The following KLF8 variants were observed in gnomAD, a reference collection of about 807,000 sequenced individuals.
KLF8 encodes Krueppel-like factor 8.
Under a neutral mutation model 18.2 loss-of-function variants are expected in KLF8, and 10 were observed. The ratio of observed to expected loss-of-function variants is 0.55; its 90% CI spans 0.34 to 0.93. KLF8 has a LOEUF of 0.93. Ranked by LOEUF, KLF8 falls within the 40% of genes least tolerant of loss-of-function variation. KLF8 has a pLI of 0.02. For synonymous variants in KLF8, 109 were observed against 97.3 expected (o/e 1.12, Z -0.71); for missense variants, 264 against 277.9 (o/e 0.95, Z 0.36).
At chrX:56,240,278 C>T (rs771385984) in intron 1 of KLF8, among the ~76,000 whole-genome samples, 1 of 111,982 alleles carries the variant, frequency 8.9e-6, no homozygotes, top group African/African-American at 3.2e-5. Flanking sequence ...TCTTGGTGCT[C>T]CTGAGCCACT....
the KLF8 span, among the ~76,000 whole-genome samples, chrX:56,012,443 C>A: frequency 2.1e-4 from 24 of 111,900 alleles, 1 homozygote; most frequent in African/African-American, 7.8e-4. Flanking sequence ...ATGGAAGATA[C>A]CTCAAAATAA....
At chrX:56,055,388 A>G in the KLF8 span, among the ~76,000 whole-genome samples, 1 of 111,974 alleles carries the variant, frequency 8.9e-6, no homozygotes, top group Non-Finnish European at 1.9e-5. Flanking sequence ...TTCTTTAAGA[A>G]TGTTGAATAT....
chrX:55,998,268 G>T, the KLF8 span, among the ~76,000 whole-genome samples: 2 of 110,473 alleles, frequency 1.8e-5, no homozygotes, highest in African/African-American at 6.6e-5. Context: ...TGTCTCAACT[G>T]CAAGAGGCAT....
the KLF8 span, among the ~76,000 whole-genome samples, chrX:56,160,848 G>A: frequency 2.7e-5 from 3 of 111,263 alleles, no homozygotes; most frequent in South Asian, 1.1e-3. Flanking sequence ...TATCCAATTT[G>A]CCAGTCTGTG....
chrX:55,972,748 C>T, the KLF8 span, among the ~76,000 whole-genome samples: 1 of 111,667 alleles, frequency 9.0e-6, no homozygotes, highest in Non-Finnish European at 1.9e-5. Flanking sequence ...ATTTCATACT[C>T]ATGGATAGGA....
At chrX:56,076,504 T>G in the KLF8 span, among the ~76,000 whole-genome samples, 1 of 111,152 alleles carries the variant, frequency 9.0e-6, no homozygotes, top group Non-Finnish European at 1.9e-5. Context: ...TATTCCATGG[T>G]GTATATGTGC....
chrX:55,922,337 T>C, the KLF8 span, among the ~76,000 whole-genome samples: 1 of 112,445 alleles, frequency 8.9e-6, no homozygotes, highest in Non-Finnish European at 1.9e-5. Flanking sequence ...CTGGAAGCCA[T>C]TATCCTCAGC....
At chrX:55,987,263 A>C in the KLF8 span, among the ~76,000 whole-genome samples, 2 of 108,523 alleles carry the variant, frequency 1.8e-5, no homozygotes, top group African/African-American at 3.4e-5. Flanking sequence ...GCTTTGTTAC[A>C]TATGTATACA....
the KLF8 span, among the ~76,000 whole-genome samples, chrX:56,029,809 C>T: frequency 8.9e-6 from 1 of 111,941 alleles, no homozygotes. Context: ...ACCCCTTTCC[C>T]TGTCCCTTCG....
intron 2 of KLF8, among the ~76,000 whole-genome samples, chrX:56,254,046 A>G (rs1217083781): frequency 9.1e-6 from 1 of 110,117 alleles, no homozygotes; most frequent in Non-Finnish European, 1.9e-5. Context: ...TCAACAGTGA[A>G]CAATCTGACA....
At chrX:56,167,939 T>A in the KLF8 span, among the ~76,000 whole-genome samples, 3 of 111,797 alleles carry the variant, frequency 2.7e-5, no homozygotes, top group Non-Finnish European at 5.6e-5. Flanking sequence ...CAGATATTTT[T>A]AATGCTGAAT....
chrX:56,144,767 AAAAG>A, the KLF8 span, among the ~76,000 whole-genome samples: 1 of 73,550 alleles, frequency 1.4e-5, no homozygotes, highest in African/African-American at 5.2e-5. Context: ...AAAAAAAAAA[AAAAG>A]AAAAGAAAAG....
chrX:56,286,672 ATGTC>A lies in KLF8; in HGVS notation c.*2184_*2187del, dbSNP rs974537663. ...TTTATTTACCTCATTTTAACTTGCA[ATGTC>A]TGTCTATCTCATGAACTCTCCATAA... On this transcript the variant is annotated 3_prime_UTR_variant, in exon 6 of 6. Coordinates refer to ENST00000468660, the MANE Select transcript of KLF8 (RefSeq NM_007250.5). The A allele has an allele frequency of 5.3e-5, 6 of 112,208 alleles. No homozygotes were observed. The highest frequency in any genetic ancestry group is 7.4e-4 in the South Asian group (2 of 2,704). The allele number at this position is 112,208 out of a possible 1,213,427, so 9.2% of individuals were successfully genotyped here.
chrX:56,072,985 G>A, the KLF8 span, among the ~76,000 whole-genome samples: 1 of 85,996 alleles, frequency 1.2e-5, no homozygotes, highest in Non-Finnish European at 2.4e-5. Context: ...ATTTCGCTTA[G>A]CATTTTTTTT....
chrX:56,081,068 T>G, the KLF8 span, among the ~76,000 whole-genome samples: 1 of 111,293 alleles, frequency 9.0e-6, no homozygotes, highest in African/African-American at 3.3e-5. Flanking sequence ...TTTTCAAAGT[T>G]TTCATCTTCT....
At chrX:56,161,797 G>A in the KLF8 span, among the ~76,000 whole-genome samples, 1 of 111,952 alleles carries the variant, frequency 8.9e-6, no homozygotes, top group African/African-American at 3.2e-5. Context: ...ATCCAACTTT[G>A]TTCAGTTGCT....
chrX:56,020,064 A>G, the KLF8 span, among the ~76,000 whole-genome samples: 12 of 112,287 alleles, frequency 1.1e-4, no homozygotes, highest in Middle Eastern at 4.6e-3. Context: ...GCATCTGACC[A>G]GTCAGATAAA....
chrX:56,084,348 A>T, the KLF8 span, among the ~76,000 whole-genome samples: 1 of 111,101 alleles, frequency 9.0e-6, no homozygotes, highest in Non-Finnish European at 1.9e-5. Context: ...ACATCACTGC[A>T]CTCCAGCCTG....
At chrX:56,247,624 T>C (rs776044872) in intron 1 of KLF8, among the ~76,000 whole-genome samples, 32 of 111,161 alleles carry the variant, frequency 2.9e-4, no homozygotes, top group Non-Finnish European at 5.1e-4. Flanking sequence ...TTACAAGTTT[T>C]TGTTAAAAAC....
Sources: gnomAD v4.1 joint callset for allele counts (sites outside exome capture counted in the v4.1 genomes callset) on GRCh38, gnomAD v4.1.1 for gene constraint, MANE v1.5 for transcripts, NCBI Gene and HGNC (gene_info 2026-07-23, HGNC 2026-07-21) for gene names.